The following FCHSD2 variants were observed in gnomAD, a reference collection of about 807,000 sequenced individuals.
FCHSD2 encodes F-BAR and double SH3 domains protein 2.
Under a neutral mutation model 108.1 loss-of-function variants are expected in FCHSD2, and 38 were observed. That is an observed-to-expected ratio of 0.35 (90% confidence interval 0.27 to 0.46). FCHSD2 has a LOEUF of 0.46. FCHSD2 is among the 20% of genes least tolerant of loss of function. The probability of loss-of-function intolerance (pLI) is 1.00; values close to 1 mark genes in which losing one functional copy is unlikely to be tolerated. For missense variants in FCHSD2, 751 were observed against 897.8 expected, an observed-to-expected ratio of 0.84 and a Z score of 2.09; for synonymous variants, 279 against 314.7, an observed-to-expected ratio of 0.89 and a Z score of 1.20.
chr11:73,141,923 G>C lies in FCHSD2; in HGVS notation c.-46C>G. ...CCTCCCCGACGGCAGCGTTAGCAAG[G>C]ACCAGGAGGAGGAGGAGGGCCGGAG... On this transcript the variant is annotated 5_prime_UTR_variant, in exon 1 of 20. Transcript: ENST00000409418. 1 of 1,534,490 alleles carries C rather than the reference G, an allele frequency of 6.5e-7. No homozygotes were observed. Among genetic ancestry groups the C allele is most frequent in the Non-Finnish European group, 8.8e-7 (1 of 1,141,282 alleles).
At chr11:73,091,281 G>A (rs2135522540) in intron 2 of FCHSD2, among the ~76,000 whole-genome samples, 1 of 152,320 alleles carries the variant, frequency 6.6e-6, no homozygotes, top group African/African-American at 2.4e-5. Context: ...GCTCACGCCT[G>A]TAATCTCAGC....
At chr11:72,990,856 A>G (rs1857397165) in intron 5 of FCHSD2, among the ~76,000 whole-genome samples, 2 of 152,186 alleles carry the variant, frequency 1.3e-5, no homozygotes, top group African/African-American at 4.8e-5. Flanking sequence ...AATAACTAAG[A>G]CCAGAACAGA....
At chr11:72,980,954 C>T (rs1430338005) in intron 8 of FCHSD2, among the ~76,000 whole-genome samples, 1 of 152,044 alleles carries the variant, frequency 6.6e-6, no homozygotes, top group Admixed American at 6.6e-5. Context: ...GCATTATCAC[C>T]TTAACATTAA....
intron 9 of FCHSD2, among the ~76,000 whole-genome samples, chr11:72,911,052 C>A (rs967404722): frequency 2.6e-5 from 4 of 152,092 alleles, no homozygotes; most frequent in Non-Finnish European, 5.9e-5. Flanking sequence ...CAGGGTATTA[C>A]TCAATCTTTG....
intron 12 of FCHSD2, among the ~76,000 whole-genome samples, chr11:72,873,224 G>A (rs1487750016): frequency 2.6e-5 from 4 of 152,002 alleles, no homozygotes; most frequent in African/African-American, 9.7e-5. Context: ...AGCTACTCAG[G>A]AGGCTGAGGC....
Position 73,137,552 on chromosome 11 carries a change from G to A in FCHSD2, c.119+2479C>T, listed in dbSNP as rs569854738. ...TAGCCAGTTACATTCGACAACAAGGGTATAAAGATACAAAAATGAATAATA... is the reference window on the plus strand; with the variant it reads ...TAGCCAGTTACATTCGACAACAAGGATATAAAGATACAAAAATGAATAATA... On this transcript the variant is annotated intron_variant, in intron 2 of 19. Coordinates refer to ENST00000409418, the MANE Select transcript of FCHSD2 (RefSeq NM_014824.3). Among the ~76,000 whole-genome samples the A allele has an allele frequency of 4.6e-5, 7 of 152,276 alleles. No individual in the cohort carries two copies. The South Asian group carries it at 1.2e-3, about 27-fold the overall frequency.
chr11:72,973,802 C>G (rs1431348292), intron 8 of FCHSD2, among the ~76,000 whole-genome samples: 1 of 152,234 alleles, frequency 6.6e-6, no homozygotes, highest in Non-Finnish European at 1.5e-5. Flanking sequence ...CCAAATCCAG[C>G]CCATCATCCA....
intron 9 of FCHSD2, among the ~76,000 whole-genome samples, chr11:72,910,683 C>T (rs994454555): frequency 6.6e-6 from 1 of 152,142 alleles, no homozygotes; most frequent in Non-Finnish European, 1.5e-5. Flanking sequence ...GATACAAACA[C>T]TGCGGAAGGC....
chr11:73,011,421 C>T (rs536134703), intron 4 of FCHSD2, among the ~76,000 whole-genome samples: 2 of 152,304 alleles, frequency 1.3e-5, no homozygotes, highest in South Asian at 2.1e-4. Flanking sequence ...CAGCACCACT[C>T]GCTCCCCAGC....
intron 3 of FCHSD2, among the ~76,000 whole-genome samples, chr11:73,043,665 G>T (rs1274445115): frequency 6.6e-6 from 1 of 152,140 alleles, no homozygotes; most frequent in African/African-American, 2.4e-5. Context: ...ATACATAGAA[G>T]AAATTTTCCA....
intron 2 of FCHSD2, among the ~76,000 whole-genome samples, chr11:73,135,269 T>C (rs1861096366): frequency 6.6e-6 from 1 of 152,240 alleles, no homozygotes; most frequent in African/African-American, 2.4e-5. Flanking sequence ...TACAGTAGTA[T>C]GGAAATCAGG....
chr11:73,084,065 A>C (rs1476968168), intron 2 of FCHSD2, among the ~76,000 whole-genome samples: 2 of 152,224 alleles, frequency 1.3e-5, no homozygotes, highest in African/African-American at 2.4e-5. Flanking sequence ...AGTTACTTGA[A>C]ATACATAAAG....
intron 8 of FCHSD2, among the ~76,000 whole-genome samples, chr11:72,978,622 G>A (rs181574020): frequency 6.6e-5 from 10 of 152,022 alleles, no homozygotes; most frequent in African/African-American, 2.2e-4. Flanking sequence ...TTATAGGAGC[G>A]ATTTCCCTGA....
chr11:73,104,404 GGA>G (rs1402015630), intron 2 of FCHSD2, among the ~76,000 whole-genome samples: 1 of 151,942 alleles, frequency 6.6e-6, no homozygotes, highest in African/African-American at 2.4e-5. Flanking sequence ...AGAGTAGCTG[GGA>G]TTACAGACGC....
At chr11:72,998,231 C>A (rs1026856107) in intron 5 of FCHSD2, among the ~76,000 whole-genome samples, 3 of 152,070 alleles carry the variant, frequency 2.0e-5, no homozygotes, top group African/African-American at 7.2e-5. Context: ...AATACTAATT[C>A]AAGGTAGATT....
chr11:73,054,566 A>G (rs532855468), intron 3 of FCHSD2, among the ~76,000 whole-genome samples: 2 of 152,036 alleles, frequency 1.3e-5, no homozygotes, highest in African/African-American at 2.4e-5. Flanking sequence ...GGAAGACCCT[A>G]AAGAATCCCA....
intron 2 of FCHSD2, among the ~76,000 whole-genome samples, chr11:73,096,294 A>G (rs565609111): frequency 9.6e-4 from 145 of 150,614 alleles, no homozygotes; most frequent in Middle Eastern, 3.4e-3. Flanking sequence ...TAATCCCAGC[A>G]CTTAGGGAGG....
Position 72,837,982 on chromosome 11 carries a change from G to A in FCHSD2, c.*809C>T, listed in dbSNP as rs1860785852. 1 of 152,186 alleles carries A rather than the reference G, an allele frequency of 6.6e-6. No individual in the cohort carries two copies. Among genetic ancestry groups the A allele is most frequent in the African/African-American group, 2.4e-5 (1 of 41,432 alleles). 9.4% of individuals were successfully genotyped at this position (152,186 alleles called of 1,614,324 possible). On this transcript the variant is annotated 3_prime_UTR_variant, in exon 20 of 20. Transcript: ENST00000409418. Reference sequence around the variant, plus strand: ...GAGTATATGCTGTAAAAATTAAGATGAAAAATACCCAAATACAAAAGAACA... The same window carrying A: ...GAGTATATGCTGTAAAAATTAAGATAAAAAATACCCAAATACAAAAGAACA...
chr11:72,868,555 G>A (rs561529845), intron 12 of FCHSD2, among the ~76,000 whole-genome samples: 1 of 152,112 alleles, frequency 6.6e-6, no homozygotes, highest in Non-Finnish European at 1.5e-5. Flanking sequence ...GCTAGGCATG[G>A]TATCATGGGC....
Sources: gnomAD v4.1 joint callset for allele counts (sites outside exome capture counted in the v4.1 genomes callset) on GRCh38, gnomAD v4.1.1 for gene constraint, MANE v1.5 for transcripts, NCBI Gene and HGNC (gene_info 2026-07-23, HGNC 2026-07-21) for gene names.